BEND2: variants seen among roughly 807,000 people sequenced by gnomAD.
BEND2 encodes BEN domain containing 2.
In BEND2, 19 loss-of-function variants were observed where a neutral mutation model predicts 43.8. The ratio of observed to expected loss-of-function variants is 0.43; its 90% CI spans 0.30 to 0.64. The LOEUF is 0.64. Among genes scored for constraint, BEND2 ranks in the 30% least tolerant of loss-of-function variants. The pLI is 0.11. For synonymous variants in BEND2, 226 were observed against 210.1 expected (o/e 1.08, Z -0.66); for missense variants, 544 against 574.0 (o/e 0.95, Z 0.53).
chrX:18,193,522 G>T (rs1269169975), intron 7 of BEND2, among the ~76,000 whole-genome samples: 1 of 110,966 alleles, frequency 9.0e-6, no homozygotes, highest in Non-Finnish European at 1.9e-5. Context: ...GGATAATATC[G>T]ATGTCAATAT....
chrX:18,216,156 A>G (rs1049872777), intron 2 of BEND2, among the ~76,000 whole-genome samples: 1 of 111,420 alleles, frequency 9.0e-6, no homozygotes, highest in Non-Finnish European at 1.9e-5. Flanking sequence ...ATAGATAATC[A>G]TGCCACCTGC....
In BEND2 at chrX:18,164,024, C is replaced by A. The variant is rs1394689010; in HGVS notation, c.*985G>T. 1 of 110,320 alleles carries A rather than the reference C, an allele frequency of 9.1e-6. No homozygotes were observed. The allele number at this position is 110,320 out of a possible 1,213,427, so 9.1% of individuals were successfully genotyped here. On this transcript the variant is annotated 3_prime_UTR_variant, in exon 14 of 14. Transcript: ENST00000380033. ...GCAAGATTTTTTTAATTATCTACTT[C>A]TTTTTTTTCTTTTCCCGAGACGGAG...
intron 7 of BEND2, among the ~76,000 whole-genome samples, chrX:18,192,778 C>A (rs1924813330): frequency 8.9e-6 from 1 of 111,933 alleles, no homozygotes; most frequent in African/African-American, 3.2e-5. Flanking sequence ...AAATTAAGGA[C>A]CACTCATACA....
At chrX:18,197,950 G>C (rs1201516874) in intron 6 of BEND2, among the ~76,000 whole-genome samples, 2 of 111,588 alleles carry the variant, frequency 1.8e-5, no homozygotes, top group Non-Finnish European at 1.9e-5. Context: ...AAGAAATGGG[G>C]AAAGGATTCC....
intron 12 of BEND2, among the ~76,000 whole-genome samples, chrX:18,173,132 G>T (rs745557992): frequency 9.0e-6 from 1 of 111,252 alleles, no homozygotes; most frequent in Non-Finnish European, 1.9e-5. Flanking sequence ...GGCTCACAGT[G>T]GGCTTAGTCG....
intron 13 of BEND2, among the ~76,000 whole-genome samples, chrX:18,166,410 G>A (rs1923823647): frequency 9.0e-6 from 1 of 111,648 alleles, no homozygotes; most frequent in Admixed American, 9.6e-5. Context: ...TCACCACTTG[G>A]GGATTTAAGA....
At chrX:18,196,063 C>A (rs544198196) in intron 6 of BEND2, among the ~76,000 whole-genome samples, 1 of 111,310 alleles carries the variant, frequency 9.0e-6, no homozygotes, top group South Asian at 3.8e-4. Flanking sequence ...CTTTGGGAGG[C>A]CGAGGTGGGC....
chrX:18,217,255 T>C (rs1242619784), intron 1 of BEND2, among the ~76,000 whole-genome samples: 1 of 112,867 alleles, frequency 8.9e-6, no homozygotes, highest in Non-Finnish European at 1.9e-5. Flanking sequence ...ATATACCAGA[T>C]GTGAAATATC....
chrX:18,187,139 C>T lies in BEND2; in HGVS notation c.1288+3862G>A, dbSNP rs572648344. ...AAATAACAAAATCGCAGGAAAAAGTCCCAACTTACCAATAAAAAAAATTGA... is the reference window on the plus strand; with the variant it reads ...AAATAACAAAATCGCAGGAAAAAGTTCCAACTTACCAATAAAAAAAATTGA... On this transcript the variant is annotated intron_variant, in intron 8 of 13. Transcript: ENST00000380033. 8.2e-5 allele frequency among the ~76,000 whole-genome samples: 9 copies of T among 110,363 alleles called. No homozygotes were observed. In the South Asian group the frequency reaches 3.5e-3, roughly 43 times the overall value.
intron 7 of BEND2, among the ~76,000 whole-genome samples, chrX:18,193,811 C>G (rs1924856045): frequency 9.0e-6 from 1 of 111,367 alleles, no homozygotes; most frequent in South Asian, 3.8e-4. Context: ...TTGGCTACGG[C>G]CCCTTCCTGA....
chrX:18,193,329 A>AAAAAGAAAAGAAAAG (rs75007771), intron 7 of BEND2, among the ~76,000 whole-genome samples: 66 of 100,664 alleles, frequency 6.6e-4, no homozygotes, highest in Middle Eastern at 0.01. Flanking sequence ...TCTGTCTCAC[A>AAAAAGAAAAGAAAAG]AAAAGAAAAG....
chrX:18,193,501 A>C (rs919643053), intron 7 of BEND2, among the ~76,000 whole-genome samples: 2 of 111,717 alleles, frequency 1.8e-5, no homozygotes, highest in African/African-American at 3.2e-5. Flanking sequence ...GGAGATCTCA[A>C]TAAGATGTGT....
chrX:18,220,770 G>C lies in BEND2; in HGVS notation c.-20C>G. ...TGACATCGTGAGATGGCGGGGTCTGGCTCTGAGGCCCGAGACCTGAGGCCC... is the reference window on the plus strand; with the variant it reads ...TGACATCGTGAGATGGCGGGGTCTGCCTCTGAGGCCCGAGACCTGAGGCCC... On this transcript the variant is annotated 5_prime_UTR_variant, in exon 1 of 14. Coordinates refer to ENST00000380033, the MANE Select transcript of BEND2 (RefSeq NM_153346.5). 1.7e-6 allele frequency: 2 copies of C among 1,204,975 alleles called. No individual in the cohort carries two copies. Among genetic ancestry groups the C allele is most frequent in the Non-Finnish European group, 1.1e-6 (1 of 891,544 alleles).
intron 7 of BEND2, 57 bp downstream of exon 7, chrX:18,195,239 A>G (rs939968459): frequency 8.9e-7 from 1 of 1,117,451 alleles, no homozygotes; most frequent in African/African-American, 1.8e-5. Context: ...TAATATTAAG[A>G]ATGTTGATGA....
intron 3 of BEND2, 82 bp from the exon 4 acceptor site, chrX:18,212,762 C>T: frequency 1.6e-6 from 1 of 620,456 alleles, no homozygotes; most frequent in East Asian, 3.5e-5. Context: ...AGAATGCTAA[C>T]TCAAATTGAA....
chrX:18,174,907 C>T (rs1015203470), intron 11 of BEND2, among the ~76,000 whole-genome samples: 1 of 110,918 alleles, frequency 9.0e-6, no homozygotes, highest in Admixed American at 9.7e-5. Context: ...CAAATTTTGC[C>T]TCTGAATCAA....
chrX:18,201,746 C>A, intron 6 of BEND2, 69 bp downstream of exon 6: 1 of 1,099,258 alleles, frequency 9.1e-7, no homozygotes, highest in Non-Finnish European at 1.2e-6. Context: ...ACCCGCCTCA[C>A]CCTCCCAAAG....
In BEND2 at chrX:18,220,822, C is replaced by T; in HGVS notation, c.-72G>A. The T allele has an allele frequency of 4.6e-6, 5 of 1,093,545 alleles. No homozygotes were observed. The highest frequency in any genetic ancestry group is 5.0e-6 in the Non-Finnish European group (4 of 802,727). 90.1% of individuals were successfully genotyped at this position (1,093,545 alleles called of 1,213,427 possible). A position where few individuals can be genotyped will look rare whatever the true frequency, so the allele number is the denominator to read the frequency against. ...AGACCTGAGGCCTACGTCTGCGCCG[C>T]GGCTCTGAGGTAACTGCTTGGTAAC... On this transcript the variant is annotated 5_prime_UTR_variant, in exon 1 of 14. Transcript: ENST00000380033.
intron 1 of BEND2, among the ~76,000 whole-genome samples, chrX:18,216,962 T>C (rs1925692901): frequency 8.9e-6 from 1 of 112,661 alleles, no homozygotes; most frequent in Non-Finnish European, 1.9e-5. Flanking sequence ...TAGACTACTA[T>C]CTCTAGTACT....
Sources: gnomAD v4.1 joint callset for allele counts (sites outside exome capture counted in the v4.1 genomes callset) on GRCh38, gnomAD v4.1.1 for gene constraint, MANE v1.5 for transcripts, NCBI Gene and HGNC (gene_info 2026-07-23, HGNC 2026-07-21) for gene names.